The following SCFD2 variants were observed in gnomAD, a reference collection of about 807,000 sequenced individuals.
SCFD2 encodes the protein sec1 family domain-containing protein 2.
In SCFD2, 54 loss-of-function variants were observed where a neutral mutation model predicts 58.9. The ratio of observed to expected loss-of-function variants is 0.92; its 90% CI spans 0.74 to 1.15. The LOEUF is 1.15. Among genes scored for constraint, SCFD2 ranks in the 50% most tolerant of loss-of-function variants. SCFD2 has a pLI of 0.00. For synonymous variants in SCFD2, 321 were observed against 335.9 expected, an observed-to-expected ratio of 0.96 and a Z score of 0.49; for missense variants, 805 against 836.6, an observed-to-expected ratio of 0.96 and a Z score of 0.47.
intron 3 of SCFD2, among the ~76,000 whole-genome samples, chr4:53,297,878 T>C (rs1228398376): frequency 1.3e-5 from 2 of 152,228 alleles, no homozygotes; most frequent in African/African-American, 4.8e-5. Context: ...AGCATTTGTT[T>C]GTCTGTAAAG....
At chr4:53,334,231 C>G (rs924864260) in intron 2 of SCFD2, among the ~76,000 whole-genome samples, 1 of 151,622 alleles carries the variant, frequency 6.6e-6, no homozygotes, top group African/African-American at 2.4e-5. Flanking sequence ...TACCATTTGA[C>G]CCAGCCATCC....
intron 5 of SCFD2, among the ~76,000 whole-genome samples, chr4:53,140,336 T>C (rs1235217365): frequency 7.2e-6 from 1 of 138,292 alleles, no homozygotes; most frequent in African/African-American, 2.7e-5. Flanking sequence ...TCTGTTATTG[T>C]GATTGAGTCC....
chr4:53,169,532 C>A (rs1409829525), intron 4 of SCFD2, among the ~76,000 whole-genome samples: 2 of 152,002 alleles, frequency 1.3e-5, no homozygotes, highest in Non-Finnish European at 2.9e-5. Context: ...ATCTCTTCAA[C>A]ATGGCAATTT....
intron 1 of SCFD2, among the ~76,000 whole-genome samples, chr4:53,355,477 G>A (rs557788024): frequency 3.9e-5 from 6 of 152,200 alleles, no homozygotes; most frequent in Non-Finnish European, 8.8e-5. Context: ...ACTAGGAAAG[G>A]GCAGAGCTAA....
At chr4:52,890,904 T>C (rs539498218) in intron 7 of SCFD2, among the ~76,000 whole-genome samples, 1 of 152,148 alleles carries the variant, frequency 6.6e-6, no homozygotes, top group Non-Finnish European at 1.5e-5. Context: ...TCTAAGAGTT[T>C]GGGATCCTGA....
At chr4:53,219,443 G>C (rs762031823) in intron 4 of SCFD2, among the ~76,000 whole-genome samples, 1 of 152,212 alleles carries the variant, frequency 6.6e-6, no homozygotes, top group African/African-American at 2.4e-5. Flanking sequence ...GCCATGCGTG[G>C]GATATAATTT....
At chr4:53,030,304 A>C (rs1362297576) in intron 5 of SCFD2, among the ~76,000 whole-genome samples, 2 of 152,232 alleles carry the variant, frequency 1.3e-5, no homozygotes, top group African/African-American at 4.8e-5. Flanking sequence ...ATGGTTCAAA[A>C]AACAGAAACA....
At chr4:53,316,037 T>C (rs533665107) in intron 2 of SCFD2, among the ~76,000 whole-genome samples, 10 of 152,228 alleles carry the variant, frequency 6.6e-5, no homozygotes, top group African/African-American at 2.4e-4. Flanking sequence ...TCTACAAATC[T>C]CTCTCTCCCT....
chr4:53,150,544 C>T (rs1481322697), intron 4 of SCFD2, among the ~76,000 whole-genome samples: 3 of 152,158 alleles, frequency 2.0e-5, no homozygotes, highest in Admixed American at 1.3e-4. Context: ...ATCCGTGACT[C>T]CATAGATTGA....
intron 5 of SCFD2, among the ~76,000 whole-genome samples, chr4:53,102,598 GAT>G (rs1351011308): frequency 6.6e-6 from 1 of 151,744 alleles, no homozygotes; most frequent in East Asian, 1.9e-4. Flanking sequence ...ACACAAAAAA[GAT>G]ATAAAATTAC....
intron 2 of SCFD2, among the ~76,000 whole-genome samples, chr4:53,329,557 A>G (rs1733352920): frequency 6.6e-6 from 1 of 150,824 alleles, no homozygotes; most frequent in South Asian, 2.1e-4. Context: ...AGGAAAACTA[A>G]CAAACAGAAA....
intron 5 of SCFD2, among the ~76,000 whole-genome samples, chr4:53,033,818 A>AT (rs1234689401): frequency 2.0e-5 from 3 of 151,132 alleles, no homozygotes; most frequent in African/African-American, 7.3e-5. Flanking sequence ...AATTGAGGCA[A>AT]TAACAGCCAC....
At chr4:53,124,570 T>G (rs567786921) in intron 5 of SCFD2, among the ~76,000 whole-genome samples, 1 of 152,216 alleles carries the variant, frequency 6.6e-6, no homozygotes, top group Non-Finnish European at 1.5e-5. Context: ...ATTTGGCTTA[T>G]CGGGATTAGA....
chr4:53,175,060 TC>T (rs952315140), intron 4 of SCFD2, among the ~76,000 whole-genome samples: 1 of 151,918 alleles, frequency 6.6e-6, no homozygotes, highest in African/African-American at 2.4e-5. Context: ...AAAATTTTTC[TC>T]CCCCCACAAT....
Position 52,909,117 on chromosome 4 carries a change from T to C in SCFD2, c.1708-1526A>G, listed in dbSNP as rs112952600. Among the ~76,000 whole-genome samples the C allele has an allele frequency of 4.2e-3, 636 of 152,074 alleles. 2 individuals are homozygous for C. The highest frequency in any genetic ancestry group is 0.015 in the African/African-American group (614 of 41,486). On this transcript the variant is annotated intron_variant, in intron 6 of 8. Coordinates refer to ENST00000401642, the MANE Select transcript of SCFD2 (RefSeq NM_152540.4). ...CTCTTATACATTGCTGGTGGGAGGG[T>C]TAATTGTTACCATCAATGCAGAGAG...
At chr4:52,979,038 C>A (rs1228667596) in intron 5 of SCFD2, among the ~76,000 whole-genome samples, 1 of 149,122 alleles carries the variant, frequency 6.7e-6, no homozygotes, top group Non-Finnish European at 1.5e-5. Context: ...GGATTACAAG[C>A]ATGAGCCAAC....
chr4:53,329,675 A>C (rs1038626467), intron 2 of SCFD2, among the ~76,000 whole-genome samples: 3 of 152,210 alleles, frequency 2.0e-5, no homozygotes, highest in African/African-American at 7.2e-5. Flanking sequence ...AGAAACTCTA[A>C]AACGCAGAGC....
intron 4 of SCFD2, among the ~76,000 whole-genome samples, chr4:53,231,070 T>C (rs1577870380): frequency 6.6e-6 from 1 of 152,066 alleles, no homozygotes; most frequent in African/African-American, 2.4e-5. Flanking sequence ...CTACAACTGA[T>C]AGGTATTATT....
intron 3 of SCFD2, among the ~76,000 whole-genome samples, chr4:53,288,066 C>G (rs1336316252): frequency 6.6e-6 from 1 of 151,760 alleles, no homozygotes; most frequent in Admixed American, 6.6e-5. Context: ...ACAGCAAGAC[C>G]CTGTCTCTAA....
Sources: gnomAD v4.1 joint callset for allele counts (sites outside exome capture counted in the v4.1 genomes callset) on GRCh38, gnomAD v4.1.1 for gene constraint, MANE v1.5 for transcripts, NCBI Gene and HGNC (gene_info 2026-07-23, HGNC 2026-07-21) for gene names.